Variants in USP34 observed in about 807,000 individuals in gnomAD.
USP34 encodes the protein ubiquitin carboxyl-terminal hydrolase 34.
Under a neutral mutation model 460.3 loss-of-function variants are expected in USP34, and 70 were observed. The ratio of observed to expected loss-of-function variants is 0.15; its 90% CI spans 0.13 to 0.19. The LOEUF is 0.19. USP34 is among the 10% of genes least tolerant of loss of function. USP34 has a pLI of 1.00. For synonymous variants in USP34, 1,647 were observed against 1,405.3 expected (o/e 1.17, Z -3.85); for missense variants, 3,985 against 4,236.2 (o/e 0.94, Z 1.65).
intron 22 of USP34, 89 bp downstream of exon 22, chr2:61,319,082 CAA>C (rs35281857): frequency 2.2e-4 from 217 of 996,984 alleles, no homozygotes; most frequent in South Asian, 5.6e-4. Context: ...AAAAAACTGT[CAA>C]AAAAAAAAAG....
chr2:61,278,034 C>G (rs1180002153), intron 41 of USP34, 131 bp downstream of exon 41: 3 of 1,165,172 alleles, frequency 2.6e-6, no homozygotes, highest in South Asian at 1.8e-5. Flanking sequence ...CGAATTAAAC[C>G]CTTTTCTTTT....
chr2:61,374,001 C>A (rs1359757140), intron 8 of USP34, among the ~76,000 whole-genome samples: 1 of 151,922 alleles, frequency 6.6e-6, no homozygotes, highest in African/African-American at 2.4e-5. Context: ...ATGAAAAATA[C>A]AAAAATTAGC....
At chr2:61,393,293 T>C (rs1693409476) in intron 5 of USP34, among the ~76,000 whole-genome samples, 1 of 151,758 alleles carries the variant, frequency 6.6e-6, no homozygotes, top group South Asian at 2.1e-4. Context: ...TAACCAGGCA[T>C]GGTGGCATAC....
At chr2:61,331,187 A>T in intron 20 of USP34, 89 bp downstream of exon 20, 1 of 1,086,386 alleles carries the variant, frequency 9.2e-7, no homozygotes, top group Admixed American at 2.9e-5. Flanking sequence ...ATTACTTATT[A>T]TATGAAAAAA....
rs1222386711 is a variant in USP34 at position 61,214,429 on chromosome 2, C to T, written c.8313G>A (p.Met2771Ile). Residue 2771 changes from methionine (M) to isoleucine (I), a missense_variant, in exon 68 of 80, where the codon ATG (methionine) becomes ATA (isoleucine). Coordinates refer to ENST00000398571, the MANE Select transcript of USP34 (RefSeq NM_014709.4). ...ACAAATCCATGAAATATGTGGAAAA[C>T]ATCAGCTTCTCAGTTTTGGAAATTA... ...YCLISKTEKL[M>I]FSTYFMDLWN... The T allele has an allele frequency of 1.9e-6, 3 of 1,614,142 alleles. No homozygotes were observed. Among genetic ancestry groups the T allele is most frequent in the Non-Finnish European group, 2.5e-6 (3 of 1,180,018 alleles).
In USP34 at chr2:61,462,223, G is replaced by A. The variant is rs531545805; in HGVS notation, c.43+8427C>T. On this transcript the variant is annotated intron_variant, in intron 1 of 79. Transcript: ENST00000398571. ...CATCGCACTCCAGCCTGGGGCAACAGAACAAGACTCCATCTCAGGGGGAAA... is the reference window on the plus strand; with the variant it reads ...CATCGCACTCCAGCCTGGGGCAACAAAACAAGACTCCATCTCAGGGGGAAA... 6.0e-5 allele frequency among the ~76,000 whole-genome samples: 8 copies of A among 132,626 alleles called. No homozygotes were observed. The South Asian group carries it at 1.7e-3, about 29-fold the overall frequency. The allele number at this position is 132,626 out of a possible 152,430, so 87.0% of individuals were successfully genotyped here. A position where few individuals can be genotyped will look rare whatever the true frequency, so the allele number is the denominator to read the frequency against.
chr2:61,276,499 T>C (rs561567314), intron 41 of USP34, among the ~76,000 whole-genome samples: 3 of 152,312 alleles, frequency 2.0e-5, no homozygotes, highest in South Asian at 4.1e-4. Context: ...GCGTATTTAC[T>C]GTATCCATGA....
intron 28 of USP34, 71 bp from the exon 29 acceptor site, chr2:61,301,231 T>C (rs552666662): frequency 7.2e-6 from 11 of 1,526,472 alleles, no homozygotes; most frequent in Admixed American, 6.3e-5. Flanking sequence ...ATCTGAAGTA[T>C]AGAATCACTT....
intron 23 of USP34, among the ~76,000 whole-genome samples, chr2:61,315,992 G>A (rs1343211473): frequency 6.6e-6 from 1 of 150,512 alleles, no homozygotes; most frequent in Non-Finnish European, 1.5e-5. Flanking sequence ...CTGAGCTCAG[G>A]AGTTCGAGAC....
At chr2:61,307,548 G>A (rs575604946) in intron 27 of USP34, among the ~76,000 whole-genome samples, 1 of 151,406 alleles carries the variant, frequency 6.6e-6, no homozygotes, top group Non-Finnish European at 1.5e-5. Context: ...ATAAGACTTG[G>A]ATGTTAATTA....
rs149092387 is a variant in USP34 at position 61,349,366 on chromosome 2, A to G, written c.1508-81T>C. ...AGACAGCGTATCAGTTGTTCATATTACATAATCAACAAGATGTAAGTGGAG... is the reference window on the plus strand; with the variant it reads ...AGACAGCGTATCAGTTGTTCATATTGCATAATCAACAAGATGTAAGTGGAG... On this transcript the variant is annotated intron_variant, in intron 12 of 79. Coordinates refer to ENST00000398571, the MANE Select transcript of USP34 (RefSeq NM_014709.4). The G allele has an allele frequency of 1.3e-4, 187 of 1,426,384 alleles. 2 individuals are homozygous for G. The African/African-American group carries it at 2.4e-3, about 18-fold the overall frequency. The allele number at this position is 1,426,384 out of a possible 1,614,324, so 88.4% of individuals were successfully genotyped here.
intron 15 of USP34, 22 bp downstream of exon 15, chr2:61,347,848 A>G: frequency 6.2e-7 from 1 of 1,606,644 alleles, no homozygotes; most frequent in Non-Finnish European, 8.5e-7. Context: ...TGAACTGAAT[A>G]TTTATTTTGA....
intron 1 of USP34, among the ~76,000 whole-genome samples, chr2:61,462,087 A>G (rs1175093917): frequency 2.0e-5 from 3 of 151,792 alleles, no homozygotes; most frequent in Admixed American, 6.6e-5. Flanking sequence ...AACGTAACAA[A>G]AATTAGTCAG....
intron 50 of USP34, among the ~76,000 whole-genome samples, chr2:61,245,932 AGTGT>A (rs1419999493): frequency 6.6e-6 from 1 of 152,186 alleles, no homozygotes; most frequent in South Asian, 2.1e-4. Context: ...GATAAAAAGA[AGTGT>A]GTGTGGTCCT....
intron 8 of USP34, among the ~76,000 whole-genome samples, chr2:61,377,225 A>T (rs1238897159): frequency 2.0e-5 from 3 of 152,132 alleles, no homozygotes; most frequent in Non-Finnish European, 4.4e-5. Flanking sequence ...ATTCATGAAG[A>T]CCTAGGTTCA....
At chr2:61,222,574 G>T in intron 65 of USP34, 45 bp downstream of exon 65, 1 of 1,524,542 alleles carries the variant, frequency 6.6e-7, no homozygotes, top group Non-Finnish European at 9.1e-7. Context: ...CATTAGCAGT[G>T]CTGAAAATTG....
chr2:61,394,533 C>CAAAAA (rs200686763), intron 5 of USP34, among the ~76,000 whole-genome samples: 28 of 110,030 alleles, frequency 2.5e-4, no homozygotes, highest in Middle Eastern at 5.7e-3. Flanking sequence ...CCCTCTCTCT[C>CAAAAA]AAAAAAAAAA....
chr2:61,191,336 T>C (rs1686634929), intron 76 of USP34: 1 of 152,234 alleles, frequency 6.6e-6, no homozygotes, highest in Non-Finnish European at 1.5e-5. Flanking sequence ...ATGTGCATTT[T>C]AATAATTTAT....
intron 66 of USP34, 92 bp from the exon 67 acceptor site, chr2:61,220,549 T>G: frequency 8.4e-7 from 1 of 1,197,498 alleles, no homozygotes; most frequent in South Asian, 2.5e-5. Flanking sequence ...GACACAAAGC[T>G]AAAGTACTTT....
Sources: gnomAD v4.1 joint callset for allele counts (sites outside exome capture counted in the v4.1 genomes callset) on GRCh38, gnomAD v4.1.1 for gene constraint, MANE v1.5 for transcripts, NCBI Gene and HGNC (gene_info 2026-07-23, HGNC 2026-07-21) for gene names.